The following ZFHX3 variants were observed in gnomAD, a reference collection of about 807,000 sequenced individuals.
The protein encoded by ZFHX3 is zinc finger homeobox protein 3.
A neutral mutation model predicts 279.1 loss-of-function variants in ZFHX3; 42 were observed. That is an observed-to-expected ratio of 0.15 (90% CI 0.12 to 0.19). The LOEUF is 0.19. Ranked by LOEUF, ZFHX3 falls within the 10% of genes least tolerant of loss-of-function variation. The pLI, the probability that ZFHX3 is intolerant of heterozygous loss-of-function variation, is 1.00. For missense variants in ZFHX3, 4,981 were observed against 4,754.0 expected, an observed-to-expected ratio of 1.05 and a Z score of -1.40; for synonymous variants, 2,293 against 1,957.8, an observed-to-expected ratio of 1.17 and a Z score of -4.52.
At chr16:73,610,232 T>C (rs1023194404) in intron 2 of ZFHX3, 7 of 152,088 alleles carry the variant, frequency 4.6e-5, no homozygotes, top group Non-Finnish European at 1.0e-4. Flanking sequence ...CAGGGATTAA[T>C]GGGAAATGGA....
chr16:73,291,888 C>G (rs999748758), intron 4 of ZFHX3, among the ~76,000 whole-genome samples: 6 of 152,138 alleles, frequency 3.9e-5, no homozygotes, highest in African/African-American at 1.4e-4. Context: ...CTTCTGGGTG[C>G]TAGTCACTTG....
chr16:73,385,648 C>G (rs1009812826), intron 3 of ZFHX3, among the ~76,000 whole-genome samples: 4 of 152,206 alleles, frequency 2.6e-5, no homozygotes, highest in African/African-American at 9.7e-5. Flanking sequence ...GAAGTGGCAG[C>G]TATACAGCAA....
rs891707409 is a variant in ZFHX3, at chr16:72,927,689, G to A, written c.3216+22780C>T. 7.2e-5 allele frequency among the ~76,000 whole-genome samples: 11 copies of A among 151,874 alleles called. No homozygotes were observed. The East Asian group carries it at 1.4e-3, about 19-fold the overall frequency. The stretch of plus-strand genomic sequence containing the variant: ...GCCCCCCGCCCCTCCGGAGCCGCCC[G>A]GGGGAGCTGCAGCAGCCTCTCTGCG... On this transcript the variant is annotated intron_variant, in intron 3 of 9. Coordinates refer to ENST00000268489, the MANE Select transcript of ZFHX3 (RefSeq NM_006885.4).
chr16:73,585,374 C>T (rs1399005368), intron 2 of ZFHX3, among the ~76,000 whole-genome samples: 1 of 152,166 alleles, frequency 6.6e-6, no homozygotes, highest in African/African-American at 2.4e-5. Context: ...TGAGATGGTG[C>T]CACTGCCCTC....
At chr16:73,055,717 CACACAT>C (rs879322788) in intron 1 of ZFHX3, among the ~76,000 whole-genome samples, 7 of 143,338 alleles carry the variant, frequency 4.9e-5, no homozygotes, top group African/African-American at 7.4e-5. Context: ...CACACACACA[CACACAT>C]ACACACACAC....
At chr16:72,925,253 C>A (rs1475453484) in intron 3 of ZFHX3, among the ~76,000 whole-genome samples, 2 of 152,262 alleles carry the variant, frequency 1.3e-5, no homozygotes, top group African/African-American at 4.8e-5. Context: ...TGGCCCACTT[C>A]TTCCTTCCTA....
intron 3 of ZFHX3, among the ~76,000 whole-genome samples, chr16:73,406,203 G>A (rs1288773425): frequency 6.6e-6 from 1 of 152,242 alleles, no homozygotes; most frequent in African/African-American, 2.4e-5. Flanking sequence ...GGCACCAGGA[G>A]CTGTTTCCTT....
At chr16:73,115,111 C>T (rs1370116688) in intron 7 of ZFHX3, among the ~76,000 whole-genome samples, 2 of 152,216 alleles carry the variant, frequency 1.3e-5, no homozygotes, top group East Asian at 3.9e-4. Flanking sequence ...AAGTTCAGGA[C>T]CAACTGCCGG....
intron 3 of ZFHX3, among the ~76,000 whole-genome samples, chr16:73,439,909 CAAAAAAAAAAA>C (rs71156164): frequency 1.3e-5 from 1 of 75,446 alleles, no homozygotes; most frequent in Non-Finnish European, 2.2e-5. Flanking sequence ...GGGAGAGGGA[CAAAAAAAAAAA>C]AAAAAAAAAA....
At chr16:73,738,858 G>A (rs1334381004) in intron 1 of ZFHX3, among the ~76,000 whole-genome samples, 1 of 152,156 alleles carries the variant, frequency 6.6e-6, no homozygotes, top group African/African-American at 2.4e-5. Flanking sequence ...GGCACCCGTG[G>A]AAGATTACAA....
chr16:73,775,212 C>T (rs1358434319), intron 1 of ZFHX3, among the ~76,000 whole-genome samples: 1 of 152,186 alleles, frequency 6.6e-6, no homozygotes, highest in Non-Finnish European at 1.5e-5. Context: ...TTCAACCCTG[C>T]TTCGACTGCA....
chr16:73,716,827 C>T (rs79735509), intron 1 of ZFHX3, among the ~76,000 whole-genome samples: 3,400 of 152,164 alleles, frequency 0.022, 42 homozygotes, highest in East Asian at 0.033. Flanking sequence ...TACAGAGATG[C>T]CTCACCGTCC....
At chr16:73,365,243 A>G (rs2016510672) in intron 3 of ZFHX3, among the ~76,000 whole-genome samples, 1 of 152,230 alleles carries the variant, frequency 6.6e-6, no homozygotes, top group Admixed American at 6.5e-5. Context: ...ACTTGCAATC[A>G]CAGACTTTTC....
chr16:73,776,679 G>A (rs970441313), intron 1 of ZFHX3, among the ~76,000 whole-genome samples: 11 of 152,100 alleles, frequency 7.2e-5, no homozygotes, highest in Non-Finnish European at 1.2e-4. Flanking sequence ...AGTTAATTGC[G>A]TTTCCAGATG....
intron 2 of ZFHX3, among the ~76,000 whole-genome samples, chr16:72,952,110 C>T (rs779227193): frequency 9.2e-5 from 14 of 152,138 alleles, no homozygotes; most frequent in Admixed American, 5.9e-4. Context: ...GGCATGGTGG[C>T]GTGTGCCTGT....
chr16:72,899,316 G>A (rs963454791), intron 3 of ZFHX3, among the ~76,000 whole-genome samples: 12 of 152,078 alleles, frequency 7.9e-5, no homozygotes, highest in Admixed American at 5.2e-4. Context: ...GTGACAGCGA[G>A]TTCTCATGAG....
At chr16:73,306,333 GT>G (rs2015179352) in intron 4 of ZFHX3, among the ~76,000 whole-genome samples, 1 of 152,086 alleles carries the variant, frequency 6.6e-6, no homozygotes, top group Non-Finnish European at 1.5e-5. Context: ...TTTTTTGTTT[GT>G]TTTGAGACAG....
At chr16:73,591,228 T>C (rs933484150) in intron 2 of ZFHX3, among the ~76,000 whole-genome samples, 4 of 151,268 alleles carry the variant, frequency 2.6e-5, no homozygotes, top group Non-Finnish European at 5.9e-5. Context: ...TGGTGGGCGC[T>C]TGTAATCCCA....
intron 1 of ZFHX3, among the ~76,000 whole-genome samples, chr16:73,817,761 T>G (rs1014694493): frequency 6.6e-6 from 1 of 152,186 alleles, no homozygotes; most frequent in Admixed American, 6.5e-5. Flanking sequence ...TCATTAGTAC[T>G]GCATTAGTCT....
Sources: allele counts gnomAD v4.1 joint callset (sites outside exome capture counted in the v4.1 genomes callset), GRCh38; gene constraint gnomAD v4.1.1; transcripts MANE v1.5; gene names NCBI Gene and HGNC (gene_info 2026-07-23, HGNC 2026-07-21).